The following PIK3C3 variants were observed in gnomAD, a reference collection of about 807,000 sequenced individuals.
PIK3C3 encodes PI3-kinase type 3.
PIK3C3 carries 95 observed loss-of-function variants against 126.1 expected under a neutral mutation model. That is an observed-to-expected ratio of 0.75 (90% CI 0.64 to 0.89). PIK3C3 has a LOEUF of 0.89. PIK3C3 is among the 40% of genes least tolerant of loss of function. The probability of loss-of-function intolerance (pLI) is 0.00; values close to 1 mark genes in which losing one functional copy is unlikely to be tolerated. For synonymous variants in PIK3C3, 374 were observed against 360.0 expected, an observed-to-expected ratio of 1.04 and a Z score of -0.44; for missense variants, 829 against 1,063.2, an observed-to-expected ratio of 0.78 and a Z score of 3.06.
intron 24 of PIK3C3, among the ~76,000 whole-genome samples, chr18:42,078,552 G>A (rs1444045209): frequency 6.6e-6 from 1 of 152,036 alleles, no homozygotes; most frequent in East Asian, 1.9e-4. Context: ...CATCAACTAA[G>A]TCACCAGCTG....
chr18:41,968,388 ATTAACT>A (rs1351895083), intron 3 of PIK3C3, among the ~76,000 whole-genome samples: 1 of 152,206 alleles, frequency 6.6e-6, no homozygotes. Context: ...GAGAAAGAAA[ATTAACT>A]TTATAAGAGA....
chr18:42,059,346 A>AT (rs1441054671), intron 22 of PIK3C3, among the ~76,000 whole-genome samples: 1 of 152,106 alleles, frequency 6.6e-6, no homozygotes, highest in Non-Finnish European at 1.5e-5. Flanking sequence ...TGCTCTTTAG[A>AT]TTTGTTTGGT....
At chr18:42,026,362 C>T (rs961264881) in intron 13 of PIK3C3, 5 of 152,228 alleles carry the variant, frequency 3.3e-5, no homozygotes, top group South Asian at 4.2e-4. Flanking sequence ...AACAGAATAG[C>T]AAATATTAAC....
chr18:42,004,247 T>C (rs1202061866), intron 9 of PIK3C3, 109 bp from the exon 10 acceptor site: 1 of 747,948 alleles, frequency 1.3e-6, no homozygotes, highest in Non-Finnish European at 2.2e-6. Flanking sequence ...AAGGAGTCTA[T>C]CACTGACTCC....
intron 19 of PIK3C3, 117 bp downstream of exon 19, chr18:42,040,858 GT>G (rs1176857298): frequency 3.5e-5 from 24 of 685,962 alleles, no homozygotes; most frequent in Non-Finnish European, 5.4e-5. Context: ...CTTTCTTCAA[GT>G]TTTTTTTCTT....
rs1598909423 is a variant in PIK3C3, at chr18:42,027,645, A to G, written c.1590+97A>G. 1.5e-5 allele frequency: 8 copies of G among 523,996 alleles called. No homozygotes were observed. In the East Asian group the frequency reaches 2.8e-4, roughly 18 times the overall value. The allele number at this position is 523,996 out of a possible 1,614,324, so 32.5% of individuals were successfully genotyped here. A position where few individuals can be genotyped will look rare whatever the true frequency, so the allele number is the denominator to read the frequency against. On this transcript the variant is annotated intron_variant, in intron 14 of 24. Coordinates refer to ENST00000262039, the MANE Select transcript of PIK3C3 (RefSeq NM_002647.4). ...CATCCCATGAGCTAAAAATGGTTTT[A>G]TATATTTATTTTTATTTTTATTTTT...
Position 42,067,148 on chromosome 18 carries a change from C to A in PIK3C3, c.2524-240C>A, listed in dbSNP as rs560778932. 2.6e-5 allele frequency among the ~76,000 whole-genome samples: 4 copies of A among 152,082 alleles called. No homozygotes were observed. The South Asian group carries it at 8.3e-4, about 32-fold the overall frequency. On this transcript the variant is annotated intron_variant, in intron 23 of 24. Coordinates refer to ENST00000262039, the MANE Select transcript of PIK3C3 (RefSeq NM_002647.4). The stretch of plus-strand genomic sequence containing the variant: ...GGCCCTAAGAAATATTTCTTCTTTT[C>A]TTTTTTCTTAAAAACTGTTTACAAC...
chr18:42,055,970 A>G (rs1254453068), intron 21 of PIK3C3, among the ~76,000 whole-genome samples: 1 of 152,134 alleles, frequency 6.6e-6, no homozygotes, highest in African/African-American at 2.4e-5. Flanking sequence ...ATGTTTTACA[A>G]GTTGGAGACA....
chr18:42,025,637 T>A (rs1242125510), intron 13 of PIK3C3: 1 of 152,186 alleles, frequency 6.6e-6, no homozygotes, highest in East Asian at 1.9e-4. Flanking sequence ...TTCAATTTAA[T>A]GTGATAAGTT....
intron 4 of PIK3C3, among the ~76,000 whole-genome samples, chr18:41,979,064 TAAAAA>T (rs5824388): frequency 1.1e-5 from 1 of 93,764 alleles, no homozygotes. Context: ...CCCCGTCTCT[TAAAAA>T]AAAAAAAAAA....
chr18:42,035,745 CA>C (rs1199165991), intron 16 of PIK3C3, among the ~76,000 whole-genome samples: 1 of 152,188 alleles, frequency 6.6e-6, no homozygotes, highest in Non-Finnish European at 1.5e-5. Flanking sequence ...TATGCTTACA[CA>C]TACACTGAAA....
chr18:42,067,271 T>G lies in PIK3C3; in HGVS notation c.2524-117T>G, dbSNP rs1334884347. 5 of 891,882 alleles carry G rather than the reference T, an allele frequency of 5.6e-6. No homozygotes were observed. The Admixed American group carries it at 1.2e-4, about 21-fold the overall frequency. 55.2% of individuals were successfully genotyped at this position (891,882 alleles called of 1,614,324 possible). On this transcript the variant is annotated intron_variant, in intron 23 of 24. Transcript: ENST00000262039. ...AGAATTCTAATAAGTTACAGGTCAT[T>G]TATTTGCCATAGGAATAGCTCATGT...
chr18:41,960,775 G>T (rs530929230), intron 2 of PIK3C3, among the ~76,000 whole-genome samples: 1 of 150,054 alleles, frequency 6.7e-6, no homozygotes, highest in African/African-American at 2.5e-5. Flanking sequence ...ATGGCGTCTC[G>T]CTCTGTCGCC....
At position 41,991,645 on chromosome 18, in the gene PIK3C3, T is replaced by A. The variant is rs114351508; in HGVS notation, c.714+1091T>A. On this transcript the variant is annotated intron_variant, in intron 6 of 24. Transcript: ENST00000262039. ...TATGTATACTTTTATAAATTACTAT[T>A]TGAAAGGTTTTCATAATGAAGGTTT... Among the ~76,000 whole-genome samples, 1,067 of 152,294 alleles carry A rather than the reference T, an allele frequency of 7.0e-3. 13 individuals carry two copies. Among genetic ancestry groups the A allele is most frequent in the African/African-American group, 0.023 (946 of 41,570 alleles).
At chr18:42,042,473 C>T (rs897079172) in intron 19 of PIK3C3, among the ~76,000 whole-genome samples, 3 of 152,190 alleles carry the variant, frequency 2.0e-5, no homozygotes, top group African/African-American at 7.2e-5. Flanking sequence ...ACATACCCTT[C>T]AAGACACCAG....
chr18:42,074,577 C>T (rs958014176), intron 24 of PIK3C3, among the ~76,000 whole-genome samples: 2 of 152,032 alleles, frequency 1.3e-5, no homozygotes, highest in South Asian at 2.1e-4. Flanking sequence ...GTTGTGAAAC[C>T]GATACATAAG....
chr18:42,077,629 C>G (rs928770679), intron 24 of PIK3C3, among the ~76,000 whole-genome samples: 2 of 152,204 alleles, frequency 1.3e-5, no homozygotes, highest in African/African-American at 2.4e-5. Context: ...AATTCTTGTT[C>G]TCTTGTAGTT....
intron 4 of PIK3C3, among the ~76,000 whole-genome samples, chr18:41,972,978 A>G (rs1980741902): frequency 6.6e-6 from 1 of 152,106 alleles, no homozygotes; most frequent in Non-Finnish European, 1.5e-5. Context: ...ACTGCGAGTC[A>G]GAGTTTTGGC....
chr18:42,044,842 A>G (rs984936473), intron 20 of PIK3C3, among the ~76,000 whole-genome samples: 2 of 152,218 alleles, frequency 1.3e-5, no homozygotes, highest in African/African-American at 2.4e-5. Flanking sequence ...ACTATTTTAT[A>G]TAAGCGCTAT....
Sources: gnomAD v4.1 joint callset for allele counts (sites outside exome capture counted in the v4.1 genomes callset) on GRCh38, gnomAD v4.1.1 for gene constraint, MANE v1.5 for transcripts, NCBI Gene and HGNC (gene_info 2026-07-23, HGNC 2026-07-21) for gene names.